TCF4: variants seen among roughly 807,000 people sequenced by gnomAD.
The protein encoded by TCF4 is transcription factor 4.
TCF4 carries 3 observed loss-of-function variants against 82.1 expected under a neutral mutation model. That is an observed-to-expected ratio of 0.04 (90% CI 0.02 to 0.09). The LOEUF (loss-of-function observed/expected upper bound fraction) is 0.09, where lower values mean the gene tolerates loss of function less well. Ranked by LOEUF, TCF4 falls within the 10% of genes least tolerant of loss-of-function variation. TCF4 has a pLI of 1.00. For synonymous variants in TCF4, 276 were observed against 309.6 expected, an observed-to-expected ratio of 0.89 and a Z score of 1.14; for missense variants, 518 against 852.7, an observed-to-expected ratio of 0.61 and a Z score of 4.89.
chr18:55,618,449 C>T (rs2097714325), intron 2 of TCF4, among the ~76,000 whole-genome samples: 1 of 151,852 alleles, frequency 6.6e-6, no homozygotes, highest in African/African-American at 2.4e-5. Context: ...TGTAATGTTT[C>T]CTCTTTAATT....
chr18:55,279,014 C>T (rs1285131952), intron 9 of TCF4, among the ~76,000 whole-genome samples: 1 of 152,190 alleles, frequency 6.6e-6, no homozygotes, highest in Non-Finnish European at 1.5e-5. Context: ...AAAGTTGGGC[C>T]TTTTATCCTA....
intron 5 of TCF4, among the ~76,000 whole-genome samples, chr18:55,453,367 C>T (rs2095664758): frequency 1.3e-5 from 2 of 152,210 alleles, no homozygotes; most frequent in Admixed American, 6.5e-5. Context: ...AAAAATTATT[C>T]TTAAGCCATC....
intron 15 of TCF4, among the ~76,000 whole-genome samples, chr18:55,251,923 G>A (rs2055254255): frequency 6.9e-6 from 1 of 145,512 alleles, no homozygotes; most frequent in Non-Finnish European, 1.5e-5. Flanking sequence ...TGGGGAAGGG[G>A]GATGAGGTTT....
At chr18:55,457,728 T>C (rs1388128110) in intron 5 of TCF4, among the ~76,000 whole-genome samples, 1 of 152,198 alleles carries the variant, frequency 6.6e-6, no homozygotes, top group African/African-American at 2.4e-5. Flanking sequence ...TTATAATTTA[T>C]ATCCCACTTT....
intron 3 of TCF4, among the ~76,000 whole-genome samples, chr18:55,532,649 G>A (rs1453573778): frequency 6.6e-6 from 1 of 152,186 alleles, no homozygotes; most frequent in Admixed American, 6.5e-5. Flanking sequence ...GGCAGTTCTA[G>A]CTTAAAGGAT....
At chr18:55,383,178 C>T (rs896277310) in intron 6 of TCF4, among the ~76,000 whole-genome samples, 1 of 152,208 alleles carries the variant, frequency 6.6e-6, no homozygotes, top group East Asian at 1.9e-4. Flanking sequence ...AATAAGCCCA[C>T]ATCTGTAAAA....
In TCF4 at chr18:55,477,704, C is replaced by G. The variant is rs149885559; in HGVS notation, c.146-13567G>C. Among the ~76,000 whole-genome samples, 15 of 152,290 alleles carry G rather than the reference C, an allele frequency of 9.8e-5. No homozygotes were observed. The East Asian group carries it at 2.9e-3, about 29-fold the overall frequency. ...AGGTTTCCTCTAAACCATGCTGCTT[C>G]CCTTACTTTCACTTTCAGGTTCTAT... On this transcript the variant is annotated intron_variant, in intron 3 of 19. Transcript: ENST00000354452.
At chr18:55,411,873 T>C (rs897046480) in intron 5 of TCF4, among the ~76,000 whole-genome samples, 1 of 152,162 alleles carries the variant, frequency 6.6e-6, no homozygotes, top group African/African-American at 2.4e-5. Context: ...CCCGAGTAGC[T>C]GGGATTACAC....
chr18:55,403,256 G>A (rs1053932957), intron 6 of TCF4, among the ~76,000 whole-genome samples, 198 bp downstream of exon 6: 1 of 152,152 alleles, frequency 6.6e-6, no homozygotes, highest in East Asian at 1.9e-4. Flanking sequence ...ATGTAGTTCT[G>A]ATACAGCAGC....
intron 3 of TCF4, among the ~76,000 whole-genome samples, chr18:55,542,306 T>A (rs1329195392): frequency 6.6e-6 from 1 of 151,960 alleles, no homozygotes; most frequent in Non-Finnish European, 1.5e-5. Context: ...CATAGAATCT[T>A]AAAAGTTAAT....
At chr18:55,311,615 T>C (rs529313821) in intron 8 of TCF4, among the ~76,000 whole-genome samples, 5 of 152,358 alleles carry the variant, frequency 3.3e-5, no homozygotes, top group Admixed American at 2.0e-4. Flanking sequence ...GAAATAGCCA[T>C]TGACACCCAT....
intron 8 of TCF4, among the ~76,000 whole-genome samples, chr18:55,293,154 A>G (rs1442386275): frequency 1.3e-5 from 2 of 152,134 alleles, no homozygotes; most frequent in Non-Finnish European, 2.9e-5. Flanking sequence ...AAAACAAAAT[A>G]ACACACAGTA....
In TCF4 at chr18:55,633,772, T is replaced by G. The variant is rs2097733615; in HGVS notation, c.195+1931A>C. Among the ~76,000 whole-genome samples, 1 of 152,146 alleles carries G rather than the reference T, an allele frequency of 6.6e-6. No individual in the cohort carries two copies. The highest frequency in any genetic ancestry group is 2.4e-5 in the African/African-American group (1 of 41,416). On this transcript the variant is annotated intron_variant, in intron 1 of 20. Transcript: ENST00000398339. This position sits in a 1 kb window ranked among gnomAD's most constrained non-coding sequence, Gnocchi z 4.0. ...ATGACAATACTTAAATGAATAGGTA[T>G]GTCTCGGTTAAGCCCAAAGTAGGTC...
intron 6 of TCF4, chr18:55,401,861 T>C: frequency 7.8e-6 from 7 of 896,342 alleles, no homozygotes; most frequent in Non-Finnish European, 9.4e-6. Context: ...CAGAGACCTC[T>C]GCCATGACCA....
intron 3 of TCF4, among the ~76,000 whole-genome samples, chr18:55,525,537 G>T (rs980059069): frequency 2.4e-4 from 37 of 152,112 alleles, no homozygotes; most frequent in African/African-American, 8.2e-4. Flanking sequence ...CCATTTTATA[G>T]ATTTGAAAAT....
intron 3 of TCF4, among the ~76,000 whole-genome samples, chr18:55,497,423 AAG>A (rs1186531994): frequency 2.0e-5 from 3 of 152,198 alleles, no homozygotes; most frequent in Non-Finnish European, 4.4e-5. Flanking sequence ...CTATGAGGGA[AAG>A]AGAGAAGAAA....
At chr18:55,625,239 AC>A (rs951225014) in intron 2 of TCF4, among the ~76,000 whole-genome samples, 1 of 150,736 alleles carries the variant, frequency 6.6e-6, no homozygotes, top group African/African-American at 2.5e-5. Context: ...TCAAGCTACA[AC>A]TTTTTTTTTT....
chr18:55,551,940 G>A (rs948675551), intron 3 of TCF4, among the ~76,000 whole-genome samples: 1 of 152,188 alleles, frequency 6.6e-6, no homozygotes, highest in African/African-American at 2.4e-5. Flanking sequence ...CAGACTGGTA[G>A]ACTAAAAAAT....
At chr18:55,319,100 A>T (rs1282971557) in intron 8 of TCF4, among the ~76,000 whole-genome samples, 1 of 152,206 alleles carries the variant, frequency 6.6e-6, no homozygotes, top group Non-Finnish European at 1.5e-5. Flanking sequence ...CAAATAGCTG[A>T]CCACACTTAA....
Sources: allele counts gnomAD v4.1 joint callset (sites outside exome capture counted in the v4.1 genomes callset), GRCh38; gene constraint gnomAD v4.1.1; non-coding constraint Gnocchi (gnomAD v3.1); transcripts MANE v1.5; gene names NCBI Gene and HGNC (gene_info 2026-07-23, HGNC 2026-07-21).